Variants in GAS7 observed in about 807,000 individuals in gnomAD.
GAS7 encodes growth arrest-specific protein 7.
In GAS7, 28 loss-of-function variants were observed where a neutral mutation model predicts 71.1. That is an observed-to-expected ratio of 0.39 (90% CI 0.29 to 0.54). The LOEUF is 0.54. GAS7 is among the 20% of genes least tolerant of loss of function. GAS7 has a pLI of 0.62. For synonymous variants in GAS7, 258 were observed against 245.8 expected (o/e 1.05, Z -0.46); for missense variants, 436 against 627.8 (o/e 0.69, Z 3.27).
At chr17:10,078,065 GTGTGTGTGTGTGTGTTT>G (rs1323851342) in intron 1 of GAS7, among the ~76,000 whole-genome samples, 2 of 116,042 alleles carry the variant, frequency 1.7e-5, no homozygotes, top group African/African-American at 6.9e-5. Context: ...GTGTGTGTGT[GTGTGTGTGTGTGTGTTT>G]TGTTTTGTTT....
intron 2 of GAS7, among the ~76,000 whole-genome samples, chr17:10,005,145 G>GCATA (rs1567879839): frequency 1.4e-4 from 5 of 36,650 alleles, no homozygotes; most frequent in South Asian, 3.6e-3. Flanking sequence ...GTGCGCGCAC[G>GCATA]CATGCATGCA....
intron 5 of GAS7, among the ~76,000 whole-genome samples, chr17:9,957,095 C>A (rs977589597): frequency 6.6e-6 from 1 of 151,006 alleles, no homozygotes; most frequent in South Asian, 2.1e-4. Context: ...TGACCTCTGG[C>A]CAGTCGCTCC....
chr17:10,005,392 C>A (rs1296638805), intron 2 of GAS7, among the ~76,000 whole-genome samples: 1 of 151,886 alleles, frequency 6.6e-6, no homozygotes, highest in Non-Finnish European at 1.5e-5. Flanking sequence ...GCCACCCTCA[C>A]CCGCAATACT....
chr17:10,005,157 G>GTGTACGTACATGCATACATGCATGTGTA, intron 2 of GAS7, among the ~76,000 whole-genome samples: 1 of 88,424 alleles, frequency 1.1e-5, no homozygotes, highest in African/African-American at 2.6e-5. Context: ...ATGCATGCAT[G>GTGTACGTACATGCATACATGCATGTGTA]TGTGTGCGCA....
At chr17:10,068,276 T>G (rs1358530706) in intron 1 of GAS7, among the ~76,000 whole-genome samples, 1 of 152,100 alleles carries the variant, frequency 6.6e-6, no homozygotes, top group Non-Finnish European at 1.5e-5. Flanking sequence ...GGAGAACTTC[T>G]GCGGAACCTT....
intron 3 of GAS7, among the ~76,000 whole-genome samples, chr17:9,970,547 G>A (rs536027021): frequency 7.9e-5 from 12 of 152,128 alleles, no homozygotes; most frequent in Admixed American, 3.9e-4. Flanking sequence ...CAGGAGGATC[G>A]CTTGAACCCA....
chr17:10,111,169 G>A (rs1426514667), intron 1 of GAS7, among the ~76,000 whole-genome samples: 1 of 152,126 alleles, frequency 6.6e-6, no homozygotes, highest in Non-Finnish European at 1.5e-5. Flanking sequence ...GGGAGGCTGA[G>A]ATGGGAGGAT....
At chr17:10,167,073 T>TTTTTTC (rs138918612) in intron 1 of GAS7, among the ~76,000 whole-genome samples, 32 of 116,066 alleles carry the variant, frequency 2.8e-4, no homozygotes, top group Admixed American at 5.2e-4. Flanking sequence ...TTTTTTTTTT[T>TTTTTTC]TGAGACAGAG....
At chr17:10,002,226 T>A (rs1367632437) in intron 2 of GAS7, among the ~76,000 whole-genome samples, 1 of 152,154 alleles carries the variant, frequency 6.6e-6, no homozygotes, top group East Asian at 1.9e-4. Context: ...CAAGAATCTG[T>A]CCCAGGCCTC....
chr17:10,157,216 A>G (rs1439801884), intron 1 of GAS7, among the ~76,000 whole-genome samples: 1 of 152,144 alleles, frequency 6.6e-6, no homozygotes, highest in Non-Finnish European at 1.5e-5. Context: ...CAGAGTCCTC[A>G]GCCTAGGAAA....
intron 6 of GAS7, among the ~76,000 whole-genome samples, chr17:9,944,655 G>A (rs740056): frequency 6.6e-6 from 1 of 151,990 alleles, no homozygotes; most frequent in Non-Finnish European, 1.5e-5. Context: ...TAACTCAAAG[G>A]CCTCCGGCCA....
At chr17:9,949,941 A>C (rs955430841) in intron 5 of GAS7, among the ~76,000 whole-genome samples, 1 of 147,560 alleles carries the variant, frequency 6.8e-6, no homozygotes, top group African/African-American at 2.5e-5. Flanking sequence ...GGCTCACTGC[A>C]ACCTCTGCTT....
At chr17:10,089,518 T>TAA (rs55650323) in intron 1 of GAS7, among the ~76,000 whole-genome samples, 6 of 144,274 alleles carry the variant, frequency 4.2e-5, no homozygotes, top group East Asian at 2.0e-4. Flanking sequence ...GAGAACACAG[T>TAA]AAAAAAAAAA....
chr17:10,085,016 C>T (rs536952580), intron 1 of GAS7, among the ~76,000 whole-genome samples: 2 of 152,252 alleles, frequency 1.3e-5, no homozygotes, highest in Non-Finnish European at 1.5e-5. Flanking sequence ...CCATCCTGAC[C>T]CACAGGCCTG....
intron 2 of GAS7, among the ~76,000 whole-genome samples, chr17:9,996,412 G>A (rs2071044425): frequency 1.4e-5 from 2 of 141,458 alleles, no homozygotes; most frequent in Admixed American, 7.1e-5. Context: ...CACACACCCG[G>A]GCCTGTTGTG....
chr17:10,002,875 G>A lies in GAS7; in HGVS notation c.304+16902C>T, dbSNP rs143066324. The stretch of plus-strand genomic sequence containing the variant: ...GAATAGCGCCACAATAAACATACGT[G>A]TGCATGTGTCTTTATAGCAGCATGA... On this transcript the variant is annotated intron_variant, in intron 2 of 13. Coordinates refer to ENST00000432992, the MANE Select transcript of GAS7 (RefSeq NM_201433.2). Among the ~76,000 whole-genome samples, 576 of 152,260 alleles carry A rather than the reference G, an allele frequency of 3.8e-3. 5 individuals carry two copies. The highest frequency in any genetic ancestry group is 0.028 in the South Asian group (136 of 4,828).
chr17:10,189,217 C>T (rs2074479753), intron 1 of GAS7, among the ~76,000 whole-genome samples: 1 of 151,908 alleles, frequency 6.6e-6, no homozygotes, highest in Admixed American at 6.6e-5. Flanking sequence ...GGTTCCCTTA[C>T]TCCCTCCGAT....
chr17:10,161,837 G>T (rs1259479346), intron 1 of GAS7, among the ~76,000 whole-genome samples: 2 of 152,090 alleles, frequency 1.3e-5, no homozygotes, highest in African/African-American at 4.8e-5. Flanking sequence ...GGCCGAGGCG[G>T]GCGGATCATG....
chr17:10,194,962 C>T (rs1049347066), intron 1 of GAS7, among the ~76,000 whole-genome samples: 1 of 151,814 alleles, frequency 6.6e-6, no homozygotes, highest in East Asian at 1.9e-4. Context: ...ATCTAATAAC[C>T]AGCTGTGGGC....
Sources: allele counts gnomAD v4.1 joint callset (sites outside exome capture counted in the v4.1 genomes callset), GRCh38; gene constraint gnomAD v4.1.1; transcripts MANE v1.5; gene names NCBI Gene and HGNC (gene_info 2026-07-23, HGNC 2026-07-21).